TIMM23B: variants seen among roughly 807,000 people sequenced by gnomAD.
TIMM23B encodes mitochondrial import inner membrane translocase subunit Tim23B.
A neutral mutation model predicts 27.3 loss-of-function variants in TIMM23B; 27 were observed. The observed-to-expected ratio is 0.99, with a 90% CI of 0.73 to 1.36. The LOEUF (loss-of-function observed/expected upper bound fraction) is 1.36. Among genes scored for constraint, TIMM23B ranks in the 40% most tolerant of loss-of-function variants. TIMM23B has a pLI of 0.00. For synonymous variants in TIMM23B, 73 were observed against 92.4 expected (o/e 0.79, Z 1.21); for missense variants, 205 against 244.2 (o/e 0.84, Z 1.07).
Position 49,965,971 on chromosome 10 carries a change from G to A in TIMM23B, c.515-7041G>A, listed in dbSNP as rs543874228. On this transcript the variant is annotated intron_variant, in intron 6 of 6. Transcript: ENST00000651259. ...ATGATGAAATGAATAATGAAATGCT[G>A]GGTGAAATGAAATGAAATAAATGAA... Among the ~76,000 whole-genome samples, 439 of 147,796 alleles carry A rather than the reference G, an allele frequency of 3.0e-3. 6 individuals carry two copies. Among genetic ancestry groups the A allele is most frequent in the Middle Eastern group, 7.4e-3 (2 of 270 alleles).
intron 5 of TIMM23B, among the ~76,000 whole-genome samples, chr10:49,956,818 A>G (rs1247327027): frequency 1.4e-5 from 2 of 147,726 alleles, no homozygotes; most frequent in East Asian, 1.9e-4. Flanking sequence ...TGATCATTCC[A>G]TGTATATCTT....
chr10:49,955,747 A>G (rs1267656021), intron 5 of TIMM23B, among the ~76,000 whole-genome samples: 2 of 152,172 alleles, frequency 1.3e-5, no homozygotes, highest in Non-Finnish European at 2.9e-5. Flanking sequence ...GACATAGAAA[A>G]CTCATTGAAA....
At chr10:49,962,737 G>A (rs1469147537) in intron 6 of TIMM23B, among the ~76,000 whole-genome samples, 5 of 151,896 alleles carry the variant, frequency 3.3e-5, no homozygotes, top group Admixed American at 6.6e-5. Flanking sequence ...AAACACTGTC[G>A]TACATACAGT....
intron 5 of TIMM23B, among the ~76,000 whole-genome samples, chr10:49,955,375 G>A (rs1167267774): frequency 1.3e-5 from 2 of 152,160 alleles, no homozygotes; most frequent in African/African-American, 4.8e-5. Flanking sequence ...CCAAAGTAAA[G>A]AGCTTTGTAT....
At position 49,952,520 on chromosome 10, in the gene TIMM23B, C is replaced by A; in HGVS notation, c.331C>A (p.Pro111Thr). Residue 111 changes from proline (P) to threonine (T), a missense_variant, in exon 4 of 7, where the codon CCA (proline) becomes ACA (threonine). Transcript: ENST00000651259. ...KETQNMAWSK[P>T]GNVQILNMVT... ...AACCCAGAACATGGCCTGGTCCAAA[C>A]CAGGAAATGTACAGTAAGTCTCTTG... The A allele has an allele frequency of 6.2e-7, 1 of 1,612,692 alleles. No individual in the cohort carries two copies. The highest frequency in any genetic ancestry group is 8.5e-7 in the Non-Finnish European group (1 of 1,179,320).
chr10:49,965,722 C>T (rs1330130533), intron 6 of TIMM23B, among the ~76,000 whole-genome samples: 5 of 143,874 alleles, frequency 3.5e-5, no homozygotes, highest in Admixed American at 7.0e-5. Flanking sequence ...TACGAAATGC[C>T]GGGTGAAATG....
chr10:49,952,601 A>C (rs1839570357), intron 4 of TIMM23B, 68 bp downstream of exon 4: 1 of 1,550,518 alleles, frequency 6.4e-7, no homozygotes, highest in Admixed American at 1.9e-5. Flanking sequence ...TGGTTTGATG[A>C]GTACAACCTT....
intron 2 of TIMM23B, among the ~76,000 whole-genome samples, chr10:49,949,847 T>A (rs1232990158): frequency 6.6e-6 from 1 of 151,052 alleles, no homozygotes; most frequent in African/African-American, 2.4e-5. Context: ...CAACAACTTT[T>A]TTTTTTTCTT....
At chr10:49,943,813 C>A (rs1839262416) in intron 1 of TIMM23B, among the ~76,000 whole-genome samples, 1 of 131,696 alleles carries the variant, frequency 7.6e-6, no homozygotes, top group Admixed American at 8.8e-5. Flanking sequence ...GGTAAACCAA[C>A]AAACATAAAT....
chr10:49,969,436 CAAAAA>C (rs533041097), intron 6 of TIMM23B, among the ~76,000 whole-genome samples: 13 of 74,748 alleles, frequency 1.7e-4, no homozygotes, highest in Admixed American at 1.6e-4. Flanking sequence ...GACCCTGTGT[CAAAAA>C]AAAAAAAAAA....
chr10:49,942,084 T>C lies in TIMM23B; in HGVS notation c.-111T>C, dbSNP rs1464384032. 76 of 1,337,414 alleles carry C rather than the reference T, an allele frequency of 5.7e-5. No individual in the cohort carries two copies. The highest frequency in any genetic ancestry group is 7.7e-5 in the Non-Finnish European group (76 of 989,528). 82.8% of individuals were successfully genotyped at this position (1,337,414 alleles called of 1,614,324 possible). A position where few individuals can be genotyped will look rare whatever the true frequency, so the allele number is the denominator to read the frequency against. Reference sequence around the variant, plus strand: ...AACCGGCGCCCGGAATGTCAGCGTGTGAAGTAGGCGCTGGCAACGCGGGGT... The same window carrying C: ...AACCGGCGCCCGGAATGTCAGCGTGCGAAGTAGGCGCTGGCAACGCGGGGT... On this transcript the variant is annotated 5_prime_UTR_variant, in exon 1 of 7. Coordinates refer to ENST00000651259, the MANE Select transcript of TIMM23B (RefSeq NM_001290117.2).
Position 49,949,942 on chromosome 10 carries a change from C to A in TIMM23B, c.166-2184C>A, listed in dbSNP as rs1179763504. ...TCAAGCAGTCCTCCCACCTTGGCCT[C>A]CCAAAGTGCTGGGATTACAAGCATG... On this transcript the variant is annotated intron_variant, in intron 2 of 6. Transcript: ENST00000651259. Among the ~76,000 whole-genome samples, 9 of 151,888 alleles carry A rather than the reference C, an allele frequency of 5.9e-5. No homozygotes were observed. The East Asian group carries it at 1.5e-3, about 26-fold the overall frequency.
intron 2 of TIMM23B, among the ~76,000 whole-genome samples, chr10:49,946,760 C>T (rs1839366677): frequency 1.3e-5 from 2 of 149,502 alleles, no homozygotes; most frequent in South Asian, 4.4e-4. Context: ...AGATTTAGTG[C>T]AGTGCCTGTC....
chr10:49,948,093 T>C (rs1406822873), intron 2 of TIMM23B, among the ~76,000 whole-genome samples: 3 of 152,162 alleles, frequency 2.0e-5, no homozygotes, highest in African/African-American at 7.2e-5. Flanking sequence ...GACATTTCTC[T>C]ATGAAGATAT....
intron 6 of TIMM23B, among the ~76,000 whole-genome samples, chr10:49,963,572 T>G (rs1478646171): frequency 6.6e-6 from 1 of 152,208 alleles, no homozygotes; most frequent in Non-Finnish European, 1.5e-5. Flanking sequence ...AAATGAATAA[T>G]AAAATTCTGG....
At chr10:49,948,980 T>A (rs1477480713) in intron 2 of TIMM23B, among the ~76,000 whole-genome samples, 3 of 152,110 alleles carry the variant, frequency 2.0e-5, no homozygotes, top group Admixed American at 1.3e-4. Flanking sequence ...CTCAAACTCC[T>A]AGGCTCAAGC....
At chr10:49,953,166 A>G (rs1839595627) in intron 4 of TIMM23B, among the ~76,000 whole-genome samples, 1 of 152,116 alleles carries the variant, frequency 6.6e-6, no homozygotes, top group Non-Finnish European at 1.5e-5. Context: ...TCCTTAAACA[A>G]TATGTTTAGT....
In TIMM23B at chr10:49,952,147, C is replaced by G; in HGVS notation, c.187C>G (p.Pro63Ala). The stretch of plus-strand genomic sequence containing the variant: ...TTAGGATACAGATGAGTTCATTTTA[C>G]CTACCGGAGCTAATAAAACCTGGGG... ...LVQDTDEFILPTGANKTWGRF... is the reference protein window; with the variant it reads ...LVQDTDEFILATGANKTWGRF... Residue 63 changes from proline to alanine, a missense_variant, in exon 3 of 7, where the codon CCT becomes GCT. Pro to Ala is a conservative substitution (Grantham distance 27). Transcript: ENST00000651259. 1 of 1,602,908 alleles carries G rather than the reference C, an allele frequency of 6.2e-7. No homozygotes were observed. The highest frequency in any genetic ancestry group is 8.5e-7 in the Non-Finnish European group (1 of 1,169,848).
chr10:49,956,549 C>T (rs1839732986), intron 5 of TIMM23B, among the ~76,000 whole-genome samples: 1 of 145,126 alleles, frequency 6.9e-6, no homozygotes, highest in East Asian at 2.0e-4. Context: ...CTGAGACTTC[C>T]TAGCGGTACT....
Sources: allele counts gnomAD v4.1 joint callset (sites outside exome capture counted in the v4.1 genomes callset), GRCh38; gene constraint gnomAD v4.1.1; transcripts MANE v1.5; gene names NCBI Gene and HGNC (gene_info 2026-07-23, HGNC 2026-07-21).